The following RNF38 variants were observed in gnomAD, a reference collection of about 807,000 sequenced individuals.
The protein encoded by RNF38 is ring finger protein 38.
A neutral mutation model predicts 67.2 loss-of-function variants in RNF38; 15 were observed. The ratio of observed to expected loss-of-function variants is 0.22; its 90% confidence interval spans 0.15 to 0.34. The LOEUF (loss-of-function observed/expected upper bound fraction) is 0.34. RNF38 is among the 10% of genes least tolerant of loss of function. The probability of loss-of-function intolerance (pLI) is 1.00; values close to 1 mark genes in which losing one functional copy is unlikely to be tolerated. For missense variants in RNF38, 524 were observed against 639.9 expected, an observed-to-expected ratio of 0.82 and a Z score of 1.95; for synonymous variants, 220 against 218.8, an observed-to-expected ratio of 1.01 and a Z score of -0.05.
At chr9:36,415,499 G>A (rs1838440626) in intron 2 of RNF38, among the ~76,000 whole-genome samples, 1 of 151,858 alleles carries the variant, frequency 6.6e-6, no homozygotes, top group Admixed American at 6.6e-5. Context: ...AGATTCTTTT[G>A]TCCCATGGGG....
chr9:36,366,719 A>C (rs937187027), intron 4 of RNF38, among the ~76,000 whole-genome samples: 1 of 152,204 alleles, frequency 6.6e-6, no homozygotes, highest in Non-Finnish European at 1.5e-5. Flanking sequence ...AGGTAGCAGG[A>C]AAGTGTTCAA....
At chr9:36,378,649 C>T (rs773701325) in intron 2 of RNF38, among the ~76,000 whole-genome samples, 8 of 152,100 alleles carry the variant, frequency 5.3e-5, no homozygotes, top group South Asian at 2.1e-4. Flanking sequence ...CAGATACTCA[C>T]GATAAAGGTC....
At chr9:36,487,620 T>TGGGCCCCGGCC, upstream of RNF38, 2 of 967,624 alleles carry the variant, frequency 2.1e-6, no homozygotes, top group Non-Finnish European at 2.4e-6. Context: ...AGGCGCTGGC[T>TGGGCCCCGGCC]GGGCCCCGGC....
At chr9:36,478,890 T>A (rs1470211386) in intron 1 of RNF38, among the ~76,000 whole-genome samples, 1 of 151,530 alleles carries the variant, frequency 6.6e-6, no homozygotes, top group Non-Finnish European at 1.5e-5. Context: ...TCGGCTTTTG[T>A]GGGCAATCAA....
chr9:36,478,350 G>C (rs1270853797), intron 1 of RNF38, among the ~76,000 whole-genome samples: 2 of 140,582 alleles, frequency 1.4e-5, no homozygotes, highest in Non-Finnish European at 3.0e-5. Context: ...CTTGCAGTGA[G>C]CCGAGATCAC....
intron 3 of RNF38, among the ~76,000 whole-genome samples, chr9:36,373,656 C>T (rs1015545470): frequency 1.3e-5 from 2 of 148,878 alleles, no homozygotes; most frequent in Admixed American, 6.7e-5. Flanking sequence ...AGTGCAGTGG[C>T]GCGATCTCAG....
chr9:36,411,468 G>A lies in RNF38; in HGVS notation n.312+13145C>T, dbSNP rs566289490. Reference sequence around the variant, plus strand: ...GGGTTGAAGAGATACTTGTCCACCCGTGTTCATAGCAACATTATTCACAAT... The same window carrying A: ...GGGTTGAAGAGATACTTGTCCACCCATGTTCATAGCAACATTATTCACAAT... On this transcript the variant is annotated intron_variant and non_coding_transcript_variant, in intron 2 of 3. Coordinates refer to the RNF38 transcript ENST00000488058. Among the ~76,000 whole-genome samples, 4 of 152,286 alleles carry A rather than the reference G, an allele frequency of 2.6e-5. No individual in the cohort carries two copies. In the South Asian group the frequency reaches 6.2e-4, roughly 24 times the overall value.
chr9:36,415,705 C>T (rs568328015), intron 2 of RNF38, among the ~76,000 whole-genome samples: 98 of 152,184 alleles, frequency 6.4e-4, no homozygotes, highest in African/African-American at 2.3e-3. Flanking sequence ...GCATCTGCTC[C>T]GATGGAGGTA....
chr9:36,369,701 G>T lies in RNF38; in HGVS notation c.570+18C>A, dbSNP rs1192431036. On this transcript the variant is annotated intron_variant, in intron 4 of 11. Transcript: ENST00000259605. ...AAAATTTCAGCTTCTGTATTTCCAAGACATTCTGTTATTGTACCTGATCAT... is the reference window on the plus strand; with the variant it reads ...AAAATTTCAGCTTCTGTATTTCCAATACATTCTGTTATTGTACCTGATCAT... The T allele has an allele frequency of 4.6e-6, 7 of 1,533,258 alleles. No individual in the cohort carries two copies. The highest frequency in any genetic ancestry group is 3.5e-4 in the Middle Eastern group (2 of 5,670). 95.0% of individuals were successfully genotyped at this position (1,533,258 alleles called of 1,614,324 possible).
chr9:36,362,794 C>T (rs1202168071), intron 4 of RNF38, among the ~76,000 whole-genome samples: 1 of 152,094 alleles, frequency 6.6e-6, no homozygotes, highest in African/African-American at 2.4e-5. Context: ...TCACCACACC[C>T]AGCTAATTTT....
rs1336156133 is a variant in RNF38, at chr9:36,337,290, G to C, written c.*2462C>G. Reference sequence around the variant, plus strand: ...TAAGCAAGTCTGCACACATCTCTATGAGCCCCATGCAAAGACAAGACATTC... The same window carrying C: ...TAAGCAAGTCTGCACACATCTCTATCAGCCCCATGCAAAGACAAGACATTC... On this transcript the variant is annotated 3_prime_UTR_variant, in exon 12 of 12. Coordinates refer to ENST00000259605, the MANE Select transcript of RNF38 (RefSeq NM_022781.5). The C allele has an allele frequency of 6.6e-6, 1 of 152,478 alleles. No homozygotes were observed. Among genetic ancestry groups the C allele is most frequent in the African/African-American group, 2.4e-5 (1 of 41,438 alleles). The allele number at this position is 152,478 out of a possible 1,614,324, so 9.4% of individuals were successfully genotyped here.
At chr9:36,458,229 CAG>C (rs2134363046) in intron 1 of RNF38, among the ~76,000 whole-genome samples, 1 of 152,304 alleles carries the variant, frequency 6.6e-6, no homozygotes, top group East Asian at 1.9e-4. Context: ...ATGCACCAAT[CAG>C]CGCTCTGTGT....
At chr9:36,378,014 CT>C in intron 2 of RNF38, among the ~76,000 whole-genome samples, 1 of 149,252 alleles carries the variant, frequency 6.7e-6, no homozygotes. Flanking sequence ...AATCCTAAAA[CT>C]TAAAAAAAAA....
intron 1 of RNF38, among the ~76,000 whole-genome samples, chr9:36,443,332 G>T (rs972875699): frequency 4.6e-5 from 7 of 151,858 alleles, no homozygotes; most frequent in Non-Finnish European, 8.8e-5. Flanking sequence ...TTTAATAGAA[G>T]ACAGCAAAAA....
chr9:36,471,036 T>C (rs1309015139), intron 1 of RNF38, among the ~76,000 whole-genome samples: 1 of 152,170 alleles, frequency 6.6e-6, no homozygotes. Flanking sequence ...TGCCTAAGAA[T>C]TGTACTGTCT....
At chr9:36,397,249 G>A (rs1049161689) in intron 1 of RNF38, among the ~76,000 whole-genome samples, 6 of 151,812 alleles carry the variant, frequency 4.0e-5, no homozygotes, top group African/African-American at 7.3e-5. Context: ...CAGAGTAGCG[G>A]ATTACAGGTG....
chr9:36,461,043 G>A (rs181564984), intron 1 of RNF38, among the ~76,000 whole-genome samples: 3 of 152,034 alleles, frequency 2.0e-5, no homozygotes, highest in Admixed American at 6.6e-5. Flanking sequence ...GGGAAACCCC[G>A]TATCTACTAA....
At chr9:36,394,577 A>T (rs1587602375) in intron 1 of RNF38, among the ~76,000 whole-genome samples, 1 of 152,220 alleles carries the variant, frequency 6.6e-6, no homozygotes, top group Non-Finnish European at 1.5e-5. Context: ...TTAAAGCCTC[A>T]ATCTGGTAAC....
intron 2 of RNF38, among the ~76,000 whole-genome samples, chr9:36,383,017 C>T (rs926466297): frequency 6.6e-6 from 1 of 152,102 alleles, no homozygotes; most frequent in Non-Finnish European, 1.5e-5. Flanking sequence ...CAACTTGTTA[C>T]TAAAAAATAA....
Sources: allele counts gnomAD v4.1 joint callset (sites outside exome capture counted in the v4.1 genomes callset), GRCh38; gene constraint gnomAD v4.1.1; transcripts MANE v1.5; gene names NCBI Gene and HGNC (gene_info 2026-07-23, HGNC 2026-07-21).